TENM3: variants seen among roughly 807,000 people sequenced by gnomAD.
TENM3 encodes the protein teneurin-3.
TENM3 carries 63 observed loss-of-function variants against 255.1 expected under a neutral mutation model. The observed-to-expected ratio is 0.25, with a 90% CI of 0.20 to 0.30. TENM3 has a LOEUF of 0.30. Ranked by LOEUF, TENM3 falls within the 10% of genes least tolerant of loss-of-function variation. The pLI is 1.00. For synonymous variants in TENM3, 1,306 were observed against 1,322.3 expected (o/e 0.99, Z 0.27); for missense variants, 2,929 against 3,461.1 (o/e 0.85, Z 3.86).
At chr4:182,233,963 C>A (rs1013497255) in intron 1 of TENM3, among the ~76,000 whole-genome samples, 1 of 152,176 alleles carries the variant, frequency 6.6e-6, no homozygotes, top group Non-Finnish European at 1.5e-5. Flanking sequence ...GCTTTCCAGG[C>A]GTCTGATTTT....
chr4:181,821,920 C>G, the TENM3 span, among the ~76,000 whole-genome samples: 1 of 152,200 alleles, frequency 6.6e-6, no homozygotes. Flanking sequence ...ACGTTTCTAT[C>G]ATTTAACTCG....
the TENM3 span, among the ~76,000 whole-genome samples, chr4:181,999,554 A>G: frequency 6.6e-6 from 1 of 152,214 alleles, no homozygotes; most frequent in Non-Finnish European, 1.5e-5. Flanking sequence ...AGTTAGTGTC[A>G]TAACATTCCT....
intron 1 of TENM3, among the ~76,000 whole-genome samples, chr4:182,298,568 A>G (rs888619127): frequency 2.0e-5 from 3 of 152,206 alleles, no homozygotes; most frequent in Non-Finnish European, 4.4e-5. Context: ...CAGTCTTGGA[A>G]TTAAATAACA....
intron 3 of TENM3, among the ~76,000 whole-genome samples, chr4:182,453,014 A>G (rs1250043750): frequency 1.4e-5 from 1 of 73,570 alleles, no homozygotes; most frequent in East Asian, 5.9e-4. Flanking sequence ...TATAGAGATT[A>G]TTTTTATATG....
the TENM3 span, among the ~76,000 whole-genome samples, chr4:181,519,530 A>C: frequency 6.6e-6 from 1 of 152,330 alleles, no homozygotes; most frequent in Admixed American, 6.5e-5. Context: ...CATAAGTTTA[A>C]AAATAAAAAT....
chr4:182,003,917 TA>T, the TENM3 span, among the ~76,000 whole-genome samples: 144 of 148,000 alleles, frequency 9.7e-4, no homozygotes, highest in African/African-American at 2.2e-3. Context: ...TCATGAATGC[TA>T]AAAAAAAAAA....
At chr4:182,392,678 G>T (rs967984403) in intron 3 of TENM3, among the ~76,000 whole-genome samples, 2 of 142,628 alleles carry the variant, frequency 1.4e-5, no homozygotes, top group Non-Finnish European at 3.2e-5. Context: ...CACGTGGGGC[G>T]GGGGTGGAAA....
At chr4:181,656,666 GTTTACTGTGTTGTTCA>G in the TENM3 span, among the ~76,000 whole-genome samples, 360 of 152,306 alleles carry the variant, frequency 2.4e-3, 2 homozygotes, top group African/African-American at 8.1e-3. Flanking sequence ...GATAATTGAT[GTTTACTGTGTTGTTCA>G]TCTGAGGACA....
chr4:182,754,568 A>G lies in TENM3; in HGVS notation c.4201A>G (p.Thr1401Ala), dbSNP rs776515357. 4.3e-6 allele frequency: 7 copies of G among 1,613,862 alleles called. No homozygotes were observed. Among genetic ancestry groups the G allele is most frequent in the African/African-American group, 4.0e-5 (3 of 74,930 alleles). ...YPVGKHAVQT[T>A]LESATAIAVS... ...TGTGGGGAAGCACGCGGTGCAGACAACACTGGAATCAGCCACTGCCATTGC... is the reference window on the plus strand; with the variant it reads ...TGTGGGGAAGCACGCGGTGCAGACAGCACTGGAATCAGCCACTGCCATTGC... The change falls in exon 22 of 28, where the codon ACA (threonine) becomes GCA (alanine). Residue 1401 changes from threonine to alanine, a missense_variant. By Grantham distance (58) the Thr-to-Ala change is moderately conservative. This residue lies in a region of TENM3 where 1,608 missense variants were observed against 1,884.4 expected (regional missense o/e 0.85). Transcript: ENST00000511685. This position sits in a 1 kb window ranked among gnomAD's most constrained non-coding sequence, Gnocchi z 5.1.
the TENM3 span, among the ~76,000 whole-genome samples, chr4:182,124,418 T>C: frequency 6.6e-6 from 1 of 152,148 alleles, no homozygotes; most frequent in Non-Finnish European, 1.5e-5. Flanking sequence ...AATCTGAAGT[T>C]AAGAAGGGAA....
At chr4:182,183,523 A>T (rs1752962633) in intron 1 of TENM3, among the ~76,000 whole-genome samples, 1 of 152,178 alleles carries the variant, frequency 6.6e-6, no homozygotes, top group African/African-American at 2.4e-5. Context: ...AACTCAAGGG[A>T]AGTCTCCAGG....
At chr4:181,737,094 T>C in the TENM3 span, among the ~76,000 whole-genome samples, 1 of 152,140 alleles carries the variant, frequency 6.6e-6, no homozygotes, top group Admixed American at 6.5e-5. Context: ...CCGGTAGTTC[T>C]TCAAATACAG....
At chr4:182,629,511 T>A (rs1296592884) in intron 5 of TENM3, among the ~76,000 whole-genome samples, 2 of 134,286 alleles carry the variant, frequency 1.5e-5, no homozygotes, top group Non-Finnish European at 3.5e-5. Flanking sequence ...TAAATATTGC[T>A]TTTATTTAAC....
chr4:181,801,602 C>A, the TENM3 span, among the ~76,000 whole-genome samples: 1 of 142,724 alleles, frequency 7.0e-6, no homozygotes, highest in Non-Finnish European at 1.5e-5. Context: ...AAGGCTGGCT[C>A]ATGGCTTGCT....
chr4:182,342,270 G>C (rs1764534566), intron 2 of TENM3, among the ~76,000 whole-genome samples: 1 of 152,202 alleles, frequency 6.6e-6, no homozygotes, highest in Admixed American at 6.5e-5. Flanking sequence ...ATAAATGATA[G>C]TGTGTCCATA....
Position 182,558,529 on chromosome 4 carries a change from A to G in TENM3, c.512-42395A>G, listed in dbSNP as rs551938944. 1.0e-3 allele frequency among the ~76,000 whole-genome samples: 156 copies of G among 152,320 alleles called. 1 individual carries two copies. Among genetic ancestry groups the G allele is most frequent in the Non-Finnish European group, 1.6e-3 (107 of 68,018 alleles). ...AAGCTGAAAGATGTTGTTTCTTAAAAGATACTGTGTATCAGTGGAGTAAGA... is the reference window on the plus strand; with the variant it reads ...AAGCTGAAAGATGTTGTTTCTTAAAGGATACTGTGTATCAGTGGAGTAAGA... On this transcript the variant is annotated intron_variant, in intron 3 of 27. Coordinates refer to ENST00000511685, the MANE Select transcript of TENM3 (RefSeq NM_001080477.4).
At chr4:182,642,874 T>G (rs894090679) in intron 5 of TENM3, among the ~76,000 whole-genome samples, 2 of 152,196 alleles carry the variant, frequency 1.3e-5, no homozygotes, top group Non-Finnish European at 2.9e-5. Context: ...ATAACAATAT[T>G]TGGGTCAGCA....
At chr4:182,147,717 T>C (rs891155279) in intron 1 of TENM3, among the ~76,000 whole-genome samples, 1 of 152,128 alleles carries the variant, frequency 6.6e-6, no homozygotes, top group Non-Finnish European at 1.5e-5. Flanking sequence ...AAGAATATAA[T>C]AGTTTGCCAC....
At chr4:182,271,227 G>A (rs983961581) in intron 1 of TENM3, among the ~76,000 whole-genome samples, 6 of 152,128 alleles carry the variant, frequency 3.9e-5, no homozygotes, top group African/African-American at 1.4e-4. Flanking sequence ...TCGCCTTACA[G>A]CAGGACTTAT....
Sources: allele counts gnomAD v4.1 joint callset (sites outside exome capture counted in the v4.1 genomes callset), GRCh38; gene constraint gnomAD v4.1.1; regional missense constraint gnomAD v4.1.1; non-coding constraint Gnocchi (gnomAD v3.1); transcripts MANE v1.5; gene names NCBI Gene and HGNC (gene_info 2026-07-23, HGNC 2026-07-21).